Variants in SEPTIN11 observed in about 807,000 individuals in gnomAD.
SEPTIN11 encodes the protein septin-11.
A neutral mutation model predicts 51.4 loss-of-function variants in SEPTIN11; 25 were observed. The ratio of observed to expected loss-of-function variants is 0.49; its 90% CI spans 0.35 to 0.68. SEPTIN11 has a LOEUF of 0.68. Ranked by LOEUF, SEPTIN11 falls within the 30% of genes least tolerant of loss-of-function variation. SEPTIN11 has a pLI of 0.00. For synonymous variants in SEPTIN11, 174 were observed against 184.1 expected, an observed-to-expected ratio of 0.95 and a Z score of 0.44; for missense variants, 381 against 520.8, an observed-to-expected ratio of 0.73 and a Z score of 2.61.
At chr4:76,970,881 G>A (rs956488221) in intron 1 of SEPTIN11, among the ~76,000 whole-genome samples, 2 of 152,154 alleles carry the variant, frequency 1.3e-5, no homozygotes, top group Admixed American at 6.5e-5. Flanking sequence ...ATGGAAATTA[G>A]TGGGCATCTT....
At chr4:76,989,152 C>T (rs1178972630) in intron 1 of SEPTIN11, among the ~76,000 whole-genome samples, 1 of 152,096 alleles carries the variant, frequency 6.6e-6, no homozygotes, top group African/African-American at 2.4e-5. Flanking sequence ...GAAACATAAG[C>T]CCGAGGATTA....
At chr4:76,959,446 T>C (rs2109884256) in intron 1 of SEPTIN11, among the ~76,000 whole-genome samples, 1 of 152,096 alleles carries the variant, frequency 6.6e-6, no homozygotes, top group East Asian at 1.9e-4. Context: ...AAAAAAAAAT[T>C]TGTATCGCAT....
chr4:77,031,115 G>A, intron 9 of SEPTIN11, 145 bp downstream of exon 9: 1 of 726,846 alleles, frequency 1.4e-6, no homozygotes. Flanking sequence ...CAGGGAAGAT[G>A]ATGAAGGTTT....
At chr4:77,020,964 G>A in intron 7 of SEPTIN11, 1 of 280,258 alleles carries the variant, frequency 3.6e-6, no homozygotes, top group Non-Finnish European at 6.7e-6. Context: ...GTGGTGTTGA[G>A]CTCTTGCCAT....
intron 2 of SEPTIN11, among the ~76,000 whole-genome samples, chr4:77,004,990 C>A (rs1196326755): frequency 6.6e-6 from 1 of 152,090 alleles, no homozygotes; most frequent in Non-Finnish European, 1.5e-5. Flanking sequence ...TACATATATA[C>A]ATACATACAT....
intron 2 of SEPTIN11, among the ~76,000 whole-genome samples, chr4:77,003,498 A>G (rs1190095336): frequency 6.6e-6 from 1 of 152,200 alleles, no homozygotes; most frequent in Non-Finnish European, 1.5e-5. Flanking sequence ...GAACTTGTAT[A>G]TAGTAGGCAC....
At chr4:77,012,589 G>A (rs35013553) in intron 4 of SEPTIN11, among the ~76,000 whole-genome samples, 20,620 of 152,212 alleles carry the variant, frequency 0.14, 1,834 homozygotes, top group East Asian at 0.27. Context: ...GGTATTTACC[G>A]TTAGATTCAA....
At chr4:77,011,212 G>C (rs1043326020) in intron 3 of SEPTIN11, among the ~76,000 whole-genome samples, 1 of 152,168 alleles carries the variant, frequency 6.6e-6, no homozygotes, top group African/African-American at 2.4e-5. Flanking sequence ...AGGTGGTGGT[G>C]TCATATCCTG....
At chr4:76,981,258 T>A (rs1722757663) in intron 1 of SEPTIN11, among the ~76,000 whole-genome samples, 1 of 152,194 alleles carries the variant, frequency 6.6e-6, no homozygotes, top group Non-Finnish European at 1.5e-5. Flanking sequence ...ATGATGATAA[T>A]GATAAAGAAA....
chr4:76,999,415 A>G (rs17329855), intron 2 of SEPTIN11, among the ~76,000 whole-genome samples: 58,711 of 152,116 alleles, frequency 0.39, 11,768 homozygotes, highest in Non-Finnish European at 0.44. Context: ...AACAGCATCC[A>G]TGGTAACTTT....
chr4:77,005,152 T>C lies in SEPTIN11; in HGVS notation c.143-449T>C, dbSNP rs149581018. 2.3e-3 allele frequency among the ~76,000 whole-genome samples: 355 copies of C among 152,312 alleles called. 1 individual carries two copies. The highest frequency in any genetic ancestry group is 4.2e-3 in the Non-Finnish European group (284 of 68,028). On this transcript the variant is annotated intron_variant, in intron 2 of 9. Transcript: ENST00000264893. Reference sequence around the variant, plus strand: ...ATCATATTGATGTTGAATTAACTGATCTTTTAGGTAATTCAGTGTAAATGG... The same window carrying C: ...ATCATATTGATGTTGAATTAACTGACCTTTTAGGTAATTCAGTGTAAATGG...
At chr4:77,014,272 C>T (rs958471730) in intron 4 of SEPTIN11, among the ~76,000 whole-genome samples, 6 of 152,132 alleles carry the variant, frequency 3.9e-5, no homozygotes, top group Non-Finnish European at 8.8e-5. Context: ...TACATAGGTT[C>T]TCCTCTCAGC....
At chr4:76,963,328 AGT>A (rs1721896589) in intron 1 of SEPTIN11, among the ~76,000 whole-genome samples, 1 of 152,232 alleles carries the variant, frequency 6.6e-6, no homozygotes. Flanking sequence ...ATTACATTTC[AGT>A]GGGTAAAAGT....
chr4:76,985,622 C>T (rs111838631), intron 1 of SEPTIN11, among the ~76,000 whole-genome samples: 20 of 152,266 alleles, frequency 1.3e-4, no homozygotes, highest in African/African-American at 4.3e-4. Flanking sequence ...ATTTCCAGGC[C>T]TTTTAGATTC....
intron 9 of SEPTIN11, among the ~76,000 whole-genome samples, chr4:77,032,909 C>A (rs1377575167): frequency 6.6e-6 from 1 of 151,440 alleles, no homozygotes. Flanking sequence ...TTCTTCCTAT[C>A]CTGGGGCCTT....
At chr4:77,004,073 G>T (rs1874562) in intron 2 of SEPTIN11, among the ~76,000 whole-genome samples, 2 of 151,896 alleles carry the variant, frequency 1.3e-5, no homozygotes, top group South Asian at 4.1e-4. Flanking sequence ...CGAACATAAG[G>T]CTGTTTTTTT....
At chr4:77,009,116 G>A (rs1724686040) in intron 3 of SEPTIN11, among the ~76,000 whole-genome samples, 1 of 152,174 alleles carries the variant, frequency 6.6e-6, no homozygotes, top group Non-Finnish European at 1.5e-5. Context: ...TTGTTGTCCA[G>A]GAATACATTT....
chr4:77,039,076 CTTCT>C, downstream of SEPTIN11: 1 of 1,288,884 alleles, frequency 7.8e-7, no homozygotes, highest in Non-Finnish European at 1.0e-6. Context: ...TCTGTAGCTT[CTTCT>C]TTATGTAACC....
At chr4:76,993,458 C>G (rs149240644) in intron 1 of SEPTIN11, among the ~76,000 whole-genome samples, 6 of 151,968 alleles carry the variant, frequency 3.9e-5, no homozygotes, top group African/African-American at 1.4e-4. Flanking sequence ...TCAAAAAAGA[C>G]CCCTCAATCC....
Sources: gnomAD v4.1 joint callset for allele counts (sites outside exome capture counted in the v4.1 genomes callset) on GRCh38, gnomAD v4.1.1 for gene constraint, MANE v1.5 for transcripts, NCBI Gene and HGNC (gene_info 2026-07-23, HGNC 2026-07-21) for gene names.